The following CLCN6 variants were observed in gnomAD, a reference collection of about 807,000 sequenced individuals.
CLCN6 encodes the protein Cl-/H+ antiporter 6.
Under a neutral mutation model 109.8 loss-of-function variants are expected in CLCN6, and 70 were observed. That is an observed-to-expected ratio of 0.64 (90% confidence interval 0.53 to 0.78). The LOEUF is 0.78. CLCN6 is among the 30% of genes least tolerant of loss of function. CLCN6 has a pLI of 0.00. For synonymous variants in CLCN6, 444 were observed against 447.8 expected (o/e 0.99, Z 0.11); for missense variants, 984 against 1,142.3 (o/e 0.86, Z 2.00).
chr1:11,830,783 T>TACACACACACACACACAC, intron 13 of CLCN6, among the ~76,000 whole-genome samples: 1 of 137,844 alleles, frequency 7.3e-6, no homozygotes, highest in South Asian at 2.2e-4. Context: ...ACACTATATA[T>TACACACACACACACACAC]ACACACACAC....
intron 22 of CLCN6, among the ~76,000 whole-genome samples, chr1:11,839,348 A>G (rs1311186363): frequency 1.3e-5 from 2 of 152,104 alleles, no homozygotes. Flanking sequence ...TGCAGCCTCG[A>G]CCTTCCAGGC....
In CLCN6 at chr1:11,834,503, A is replaced by T; in HGVS notation, c.1706A>T (p.Asp569Val). 1 of 1,613,980 alleles carries T rather than the reference A, an allele frequency of 6.2e-7. No individual in the cohort carries two copies. The highest frequency in any genetic ancestry group is 1.1e-5 in the South Asian group (1 of 91,074). Residue 569 changes from aspartate to valine, a missense_variant, in exon 17 of 23, where the codon GAC becomes GTC. By Grantham distance (152) the Asp-to-Val change is radical. Transcript: ENST00000346436. The surrounding 1 kb of genome is among the most constrained non-coding windows in gnomAD (Gnocchi z 4.5). ...VTLMVAKWTG[D>V]FFNKGIYDIH... ...TTTCAGGTGGCCAAATGGACAGGGG[A>T]CTTTTTCAATAAGGGCATTTATGAT...
At chr1:11,811,010 A>G (rs1219693398) in intron 2 of CLCN6, among the ~76,000 whole-genome samples, 2 of 152,156 alleles carry the variant, frequency 1.3e-5, no homozygotes, top group African/African-American at 2.4e-5. Flanking sequence ...CCAGGACTTC[A>G]TACCAGCCTG....
intron 4 of CLCN6, 44 bp downstream of exon 4, chr1:11,816,724 A>G: frequency 6.8e-7 from 1 of 1,473,582 alleles, no homozygotes; most frequent in South Asian, 1.2e-5. Context: ...ATAGGGCTGG[A>G]GGGGCTTACA....
intron 8 of CLCN6, 34 bp downstream of exon 8, chr1:11,824,587 C>T: frequency 6.3e-7 from 1 of 1,589,754 alleles, no homozygotes; most frequent in East Asian, 2.2e-5. Flanking sequence ...GGCCTCTGGG[C>T]AGGCCTAGTG....
intron 13 of CLCN6, 111 bp from the exon 14 acceptor site, chr1:11,833,404 A>T (rs192652454): frequency 4.7e-6 from 5 of 1,059,680 alleles, no homozygotes; most frequent in Non-Finnish European, 7.0e-6. Flanking sequence ...GGCCTGTTTG[A>T]TTGATGGGGA....
intron 12 of CLCN6, among the ~76,000 whole-genome samples, chr1:11,828,935 CTTA>C (rs980659840): frequency 7.3e-4 from 111 of 152,284 alleles, no homozygotes; most frequent in African/African-American, 2.5e-3. Flanking sequence ...CGCCCCAGGA[CTTA>C]TTATAATGGA....
chr1:11,837,816 C>A lies in CLCN6; in HGVS notation c.2295+317C>A, dbSNP rs2100659939. ...TGGTGCTCCTGACTGTGAACACAGC[C>A]CCCATCCTCGCCACTGTCATCACAC... On this transcript the variant is annotated intron_variant, in intron 20 of 22. Coordinates refer to ENST00000346436, the MANE Select transcript of CLCN6 (RefSeq NM_001286.5). Among the ~76,000 whole-genome samples, 3 of 152,236 alleles carry A rather than the reference C, an allele frequency of 2.0e-5. No individual in the cohort carries two copies. The South Asian group carries it at 6.2e-4, about 32-fold the overall frequency.
rs1485726134 is a variant in CLCN6 at position 11,833,642 on chromosome 1, A to G, written c.1372+4A>G. On this transcript the variant is annotated splice_donor_region_variant and intron_variant, in intron 14 of 22. Coordinates refer to ENST00000346436, the MANE Select transcript of CLCN6 (RefSeq NM_001286.5). The stretch of plus-strand genomic sequence containing the variant: ...CTCCAGCTCTTCCACCAGGATGGTG[A>G]GTGTCTGCACTGCAGCCCAATCGTG... 15 of 1,613,036 alleles carry G rather than the reference A, an allele frequency of 9.3e-6. No homozygotes were observed. The South Asian group carries it at 1.6e-4, about 18-fold the overall frequency.
At chr1:11,819,982 G>A (rs1354521582) in intron 5 of CLCN6, among the ~76,000 whole-genome samples, 1 of 151,670 alleles carries the variant, frequency 6.6e-6, no homozygotes, top group Non-Finnish European at 1.5e-5. Context: ...GGGAGTTAGG[G>A]AAAAAAAAGT....
intron 4 of CLCN6, among the ~76,000 whole-genome samples, chr1:11,817,522 A>T (rs1644689096): frequency 6.6e-6 from 1 of 152,224 alleles, no homozygotes; most frequent in East Asian, 1.9e-4. Flanking sequence ...GATTGGAAAC[A>T]TGGCCAAAGA....
chr1:11,830,855 A>G (rs1165664349), intron 13 of CLCN6, among the ~76,000 whole-genome samples: 2 of 148,380 alleles, frequency 1.3e-5, no homozygotes, highest in African/African-American at 2.5e-5. Flanking sequence ...TTTTTTTAAG[A>G]CGGAGTCTTA....
intron 4 of CLCN6, among the ~76,000 whole-genome samples, chr1:11,818,182 T>C (rs1255927843): frequency 6.6e-6 from 1 of 152,192 alleles, no homozygotes; most frequent in Non-Finnish European, 1.5e-5. Flanking sequence ...TTCTCTATAA[T>C]AAGCATAGTC....
intron 13 of CLCN6, among the ~76,000 whole-genome samples, chr1:11,831,139 A>T (rs1290860192): frequency 1.4e-5 from 2 of 147,844 alleles, no homozygotes; most frequent in Admixed American, 1.4e-4. Context: ...CCTGGTTTAT[A>T]TATATATGTT....
chr1:11,837,567 G>T, intron 20 of CLCN6, 68 bp downstream of exon 20: 1 of 1,513,836 alleles, frequency 6.6e-7, no homozygotes. Context: ...GGGCGCTGCC[G>T]GCGGGCCGTG....
intron 5 of CLCN6, chr1:11,820,598 C>T (rs1426506996): frequency 2.3e-6 from 1 of 426,418 alleles, no homozygotes; most frequent in Non-Finnish European, 4.4e-6. Flanking sequence ...AACCCCGTCT[C>T]TACTAAAAAT....
At position 11,834,138 on chromosome 1, in the gene CLCN6, G is replaced by A; in HGVS notation, c.1527-98G>A. ...CGTTGATGTGTCTGTGCCCATGCATGCACATATGTGCATAGGCACAAGAGT... is the reference window on the plus strand; with the variant it reads ...CGTTGATGTGTCTGTGCCCATGCATACACATATGTGCATAGGCACAAGAGT... On this transcript the variant is annotated intron_variant, in intron 15 of 22. Transcript: ENST00000346436. The surrounding 1 kb of genome is among the most constrained non-coding windows in gnomAD (Gnocchi z 4.5). The A allele has an allele frequency of 6.3e-7, 1 of 1,593,210 alleles. No individual in the cohort carries two copies. The highest frequency in any genetic ancestry group is 8.5e-7 in the Non-Finnish European group (1 of 1,170,120).
chr1:11,834,597 C>A lies in CLCN6; in HGVS notation c.1793+7C>A, dbSNP rs765358713. 6.2e-7 allele frequency: 1 copy of A among 1,610,222 alleles called. No individual in the cohort carries two copies. Among genetic ancestry groups the A allele is most frequent in the South Asian group, 1.1e-5 (1 of 90,980 alleles). ...CAGAGGTGGAAATGGACAAGTAAGG[C>A]CATGATTTTGCTCATGTCCTAGTTT... On this transcript the variant is annotated splice_region_variant and intron_variant, in intron 17 of 22. Transcript: ENST00000346436. This position sits in a 1 kb window ranked among gnomAD's most constrained non-coding sequence, Gnocchi z 4.5.
Position 11,835,385 on chromosome 1 carries a change from C to T in CLCN6, c.1794-582C>T, listed in dbSNP as rs541516005. 2.9e-3 allele frequency among the ~76,000 whole-genome samples: 444 copies of T among 152,308 alleles called. 1 individual carries two copies. The highest frequency in any genetic ancestry group is 0.01 in the African/African-American group (425 of 41,552). ...CCTCCCAGGCTCAAGCGATCCTCCA[C>T]CTCAGCCTCCTGAGTAGCTGGGATC... On this transcript the variant is annotated intron_variant, in intron 17 of 22. Coordinates refer to ENST00000346436, the MANE Select transcript of CLCN6 (RefSeq NM_001286.5).
Sources: gnomAD v4.1 joint callset for allele counts (sites outside exome capture counted in the v4.1 genomes callset) on GRCh38, gnomAD v4.1.1 for gene constraint, Gnocchi (gnomAD v3.1) non-coding constraint, MANE v1.5 for transcripts, NCBI Gene and HGNC (gene_info 2026-07-23, HGNC 2026-07-21) for gene names.